TRABD2B: variants seen among roughly 807,000 people sequenced by gnomAD.
TRABD2B encodes the protein TraB domain containing 2B.
TRABD2B carries 14 observed loss-of-function variants against 40.1 expected under a neutral mutation model. The observed-to-expected ratio is 0.35, with a 90% CI of 0.23 to 0.55. The LOEUF (loss-of-function observed/expected upper bound fraction) is 0.55, where lower values mean the gene tolerates loss of function less well. Ranked by LOEUF, TRABD2B falls within the 20% of genes least tolerant of loss-of-function variation. The pLI is 0.90. For missense variants in TRABD2B, 541 were observed against 648.6 expected, an observed-to-expected ratio of 0.83 and a Z score of 1.80; for synonymous variants, 263 against 277.0, an observed-to-expected ratio of 0.95 and a Z score of 0.50.
At chr1:47,845,402 T>C (rs1645455863) in intron 2 of TRABD2B, among the ~76,000 whole-genome samples, 1 of 152,170 alleles carries the variant, frequency 6.6e-6, no homozygotes, top group African/African-American at 2.4e-5. Flanking sequence ...GGCACTGGGG[T>C]AAAACCTTGA....
chr1:47,827,853 C>G (rs1173781622), intron 2 of TRABD2B, among the ~76,000 whole-genome samples: 5 of 152,096 alleles, frequency 3.3e-5, no homozygotes, highest in Non-Finnish European at 7.3e-5. Flanking sequence ...ATGAGGTACC[C>G]CCCTTTTTAA....
At chr1:47,825,181 G>A (rs188083521) in intron 2 of TRABD2B, among the ~76,000 whole-genome samples, 3 of 152,206 alleles carry the variant, frequency 2.0e-5, no homozygotes, top group Admixed American at 2.0e-4. Context: ...CCAAATCTGG[G>A]GTCTCAATAA....
At chr1:47,956,475 A>G (rs754403340) in intron 2 of TRABD2B, among the ~76,000 whole-genome samples, 1 of 152,206 alleles carries the variant, frequency 6.6e-6, no homozygotes, top group Non-Finnish European at 1.5e-5. Flanking sequence ...GCCGTGACAG[A>G]TGGTACCTGC....
At chr1:47,963,705 T>C (rs1442481373) in intron 2 of TRABD2B, among the ~76,000 whole-genome samples, 1 of 152,242 alleles carries the variant, frequency 6.6e-6, no homozygotes, top group Admixed American at 6.5e-5. Context: ...CTTGCTTGCA[T>C]GTGTGGTACA....
At chr1:47,990,239 A>G (rs1347826787) in intron 2 of TRABD2B, among the ~76,000 whole-genome samples, 2 of 152,188 alleles carry the variant, frequency 1.3e-5, no homozygotes, top group East Asian at 3.9e-4. Flanking sequence ...TACCTCACAG[A>G]ACCATGTAAC....
rs759708249 is a variant in TRABD2B, at chr1:47,801,656, T to C, written c.667-37A>G. 3.9e-6 allele frequency: 6 copies of C among 1,529,630 alleles called. No individual in the cohort carries two copies. In the South Asian group the frequency reaches 6.0e-5, roughly 15 times the overall value. 94.8% of individuals were successfully genotyped at this position (1,529,630 alleles called of 1,614,324 possible). Reference sequence around the variant, plus strand: ...AAAGAGAGAGGAATGAGGGCTGTGCTCAGGGACCCTGGCTGAGCTCTAGGA... The same window carrying C: ...AAAGAGAGAGGAATGAGGGCTGTGCCCAGGGACCCTGGCTGAGCTCTAGGA... On this transcript the variant is annotated intron_variant, in intron 2 of 6. Coordinates refer to ENST00000606738, the MANE Select transcript of TRABD2B (RefSeq NM_001194986.2).
chr1:47,805,713 T>C (rs1370039026), intron 2 of TRABD2B, among the ~76,000 whole-genome samples: 2 of 152,228 alleles, frequency 1.3e-5, no homozygotes, highest in African/African-American at 4.8e-5. Context: ...AGGATTACGA[T>C]GTTTATTGAG....
chr1:47,934,115 A>G (rs1450067179), intron 2 of TRABD2B, among the ~76,000 whole-genome samples: 2 of 152,254 alleles, frequency 1.3e-5, no homozygotes, highest in Non-Finnish European at 2.9e-5. Context: ...TAATCTTTAC[A>G]ATAATTCTGT....
At chr1:47,770,659 C>A (rs1305334590) in intron 6 of TRABD2B, among the ~76,000 whole-genome samples, 1 of 152,256 alleles carries the variant, frequency 6.6e-6, no homozygotes, top group Non-Finnish European at 1.5e-5. Context: ...TGGCACCACA[C>A]TGGAAGCCAT....
At chr1:47,828,777 C>T (rs1428816530) in intron 2 of TRABD2B, among the ~76,000 whole-genome samples, 2 of 152,154 alleles carry the variant, frequency 1.3e-5, no homozygotes, top group African/African-American at 4.8e-5. Flanking sequence ...AGCACCCACA[C>T]CCTAGAAAGT....
intron 4 of TRABD2B, among the ~76,000 whole-genome samples, chr1:47,791,073 A>G (rs1644664688): frequency 6.6e-6 from 1 of 152,196 alleles, no homozygotes; most frequent in Non-Finnish European, 1.5e-5. Flanking sequence ...AAGAGAGGAG[A>G]AGCCAGACTG....
At chr1:47,956,766 T>C (rs1300652322) in intron 2 of TRABD2B, among the ~76,000 whole-genome samples, 1 of 152,254 alleles carries the variant, frequency 6.6e-6, no homozygotes, top group Admixed American at 6.5e-5. Context: ...CTCTGTAGAC[T>C]CCACCTCTGG....
chr1:47,875,304 G>A (rs1644207504), intron 2 of TRABD2B, among the ~76,000 whole-genome samples: 1 of 151,200 alleles, frequency 6.6e-6, no homozygotes, highest in African/African-American at 2.4e-5. Context: ...GTGTTCTTTA[G>A]TATTCACGCA....
chr1:47,994,436 A>G lies in TRABD2B; in HGVS notation c.264T>C (p.Leu88=), dbSNP rs74384976. 4.6e-6 allele frequency: 7 copies of G among 1,536,032 alleles called. No individual in the cohort carries two copies. In the South Asian group the frequency reaches 7.1e-5, roughly 16 times the overall value. ...ASTRVYFELD[L]TDPYTISALA... ...GGGCCGAGATGGTGTAGGGGTCTGT[A>G]AGGTCCAGCTCAAAGTAGACACGGG... Residue 88 remains leucine (L), a synonymous_variant, in exon 2 of 7, where the codon CTT becomes CTC. Transcript: ENST00000606738. This position sits in a 1 kb window ranked among gnomAD's most constrained non-coding sequence, Gnocchi z 6.7.
chr1:47,881,639 A>G (rs1570199248), intron 2 of TRABD2B, among the ~76,000 whole-genome samples: 1 of 152,182 alleles, frequency 6.6e-6, no homozygotes, highest in Non-Finnish European at 1.5e-5. Context: ...CCATGTCTAC[A>G]TGTATCCTCG....
chr1:47,794,790 G>GTTTTTTTTT, intron 3 of TRABD2B, 30 bp from the exon 4 acceptor site: 10 of 1,144,814 alleles, frequency 8.7e-6, no homozygotes, highest in Non-Finnish European at 1.1e-5. Context: ...GCTGCCTTCA[G>GTTTTTTTTT]TTTTTTTTTT....
At chr1:47,809,023 T>G (rs2124333710) in intron 2 of TRABD2B, among the ~76,000 whole-genome samples, 1 of 152,288 alleles carries the variant, frequency 6.6e-6, no homozygotes, top group East Asian at 1.9e-4. Flanking sequence ...CTGCTTTCAC[T>G]GCCCAGGCTG....
intron 2 of TRABD2B, among the ~76,000 whole-genome samples, chr1:47,820,995 G>A (rs568517617): frequency 7.9e-5 from 12 of 152,140 alleles, no homozygotes; most frequent in Non-Finnish European, 1.0e-4. Flanking sequence ...GACACCCACC[G>A]TCCTTGCATC....
intron 2 of TRABD2B, among the ~76,000 whole-genome samples, chr1:47,884,080 T>C (rs558967672): frequency 2.0e-5 from 3 of 152,332 alleles, no homozygotes; most frequent in African/African-American, 7.2e-5. Context: ...AGTTAAATAA[T>C]GGGAAAGCCA....
Sources: gnomAD v4.1 joint callset for allele counts (sites outside exome capture counted in the v4.1 genomes callset) on GRCh38, gnomAD v4.1.1 for gene constraint, Gnocchi (gnomAD v3.1) non-coding constraint, MANE v1.5 for transcripts, NCBI Gene and HGNC (gene_info 2026-07-23, HGNC 2026-07-21) for gene names.